KCNN2: variants seen among roughly 807,000 people sequenced by gnomAD.
KCNN2 encodes the protein potassium calcium-activated channel subfamily N member 2, also known as small conductance calcium-activated potassium channel protein 2.
A neutral mutation model predicts 55.5 loss-of-function variants in KCNN2; 24 were observed. The ratio of observed to expected loss-of-function variants is 0.43; its 90% CI spans 0.31 to 0.61. The LOEUF (loss-of-function observed/expected upper bound fraction) is 0.61, where lower values mean the gene tolerates loss of function less well. Ranked by LOEUF, KCNN2 falls within the 20% of genes least tolerant of loss-of-function variation. The pLI is 0.08. For synonymous variants in KCNN2, 431 were observed against 336.1 expected, an observed-to-expected ratio of 1.28 and a Z score of -3.09; for missense variants, 754 against 853.6, an observed-to-expected ratio of 0.88 and a Z score of 1.45.
intron 1 of KCNN2, among the ~76,000 whole-genome samples, chr5:114,080,282 G>A (rs1207037429): frequency 6.6e-6 from 1 of 152,134 alleles, no homozygotes; most frequent in Non-Finnish European, 1.5e-5. Context: ...GCACATTCCT[G>A]TTCTGATTTT....
chr5:114,388,129 A>G (rs1379995889), intron 2 of KCNN2, among the ~76,000 whole-genome samples: 1 of 152,162 alleles, frequency 6.6e-6, no homozygotes, highest in African/African-American at 2.4e-5. Flanking sequence ...TGTACTCAAC[A>G]TAATGTTTTG....
chr5:114,212,349 T>C (rs780279036), intron 1 of KCNN2, among the ~76,000 whole-genome samples: 15 of 151,986 alleles, frequency 9.9e-5, no homozygotes, highest in Non-Finnish European at 2.1e-4. Flanking sequence ...TAGGCAAATC[T>C]ATAGAGATAA....
rs1755562269 is a variant in KCNN2 at position 114,279,030 on chromosome 5, T to C, written c.-185+57465T>C. 2.7e-5 allele frequency among the ~76,000 whole-genome samples: 4 copies of C among 148,096 alleles called. No individual in the cohort carries two copies. The South Asian group carries it at 8.6e-4, about 32-fold the overall frequency. On this transcript the variant is annotated intron_variant, in intron 2 of 10. Coordinates refer to the KCNN2 transcript ENST00000512097. The stretch of plus-strand genomic sequence containing the variant: ...CAACCCCCTAGTTCTCATTTTTTTT[T>C]GTTTTATTGCATTGGCCCAAACTTT...
intron 2 of KCNN2, among the ~76,000 whole-genome samples, chr5:114,256,581 G>A (rs899473445): frequency 1.1e-4 from 16 of 152,008 alleles, no homozygotes; most frequent in African/African-American, 3.1e-4. Context: ...TGACTGGTAC[G>A]AGATGGTATT....
chr5:114,454,906 C>T (rs947064646), intron 3 of KCNN2, among the ~76,000 whole-genome samples: 11 of 152,210 alleles, frequency 7.2e-5, no homozygotes, highest in African/African-American at 2.7e-4. Flanking sequence ...ATTGGGGGTA[C>T]ACAGACCATT....
At chr5:114,127,712 G>A (rs1751968225) in intron 1 of KCNN2, among the ~76,000 whole-genome samples, 1 of 152,110 alleles carries the variant, frequency 6.6e-6, no homozygotes, top group African/African-American at 2.4e-5. Flanking sequence ...CCAGAAAATG[G>A]GTTCTTGTTT....
chr5:114,390,995 T>TGG lies in KCNN2; in HGVS notation c.1219-13443_1219-13442insGG, dbSNP rs1395657534. ...TAACATGGATTTATTATACGTAACC[T>TGG]TAACTATCACTGCATCCTGGTGGAT... On this transcript the variant is annotated intron_variant, in intron 2 of 7. Coordinates refer to ENST00000673685, the MANE Select transcript of KCNN2 (RefSeq NM_021614.4). Among the ~76,000 whole-genome samples the TGG allele has an allele frequency of 3.9e-5, 6 of 152,274 alleles. No homozygotes were observed. In the East Asian group the frequency reaches 1.2e-3, roughly 29 times the overall value.
intron 5 of KCNN2, among the ~76,000 whole-genome samples, chr5:114,474,699 A>G (rs970800090): frequency 9.2e-5 from 14 of 152,216 alleles, no homozygotes; most frequent in African/African-American, 3.4e-4. Flanking sequence ...TGCTGGGACA[A>G]TTTGTGTTTA....
intron 1 of KCNN2, among the ~76,000 whole-genome samples, chr5:114,214,753 A>G (rs963488439): frequency 1.3e-5 from 2 of 152,198 alleles, no homozygotes; most frequent in African/African-American, 4.8e-5. Context: ...TTTGGCCAAG[A>G]TGAAACTACA....
intron 1 of KCNN2, among the ~76,000 whole-genome samples, chr5:114,135,562 C>T (rs1459483543): frequency 1.3e-5 from 2 of 152,174 alleles, no homozygotes; most frequent in African/African-American, 4.8e-5. Flanking sequence ...ATACCAATAT[C>T]AGGGTTTCTT....
chr5:114,067,294 G>T (rs1348519375), intron 1 of KCNN2, among the ~76,000 whole-genome samples: 2 of 152,172 alleles, frequency 1.3e-5, no homozygotes, highest in Non-Finnish European at 2.9e-5. Context: ...GCTCCAACCA[G>T]CTGCATTGAA....
chr5:114,454,161 T>C (rs1221649877), intron 3 of KCNN2, among the ~76,000 whole-genome samples: 1 of 152,212 alleles, frequency 6.6e-6, no homozygotes, highest in Non-Finnish European at 1.5e-5. Context: ...ACTCATTCTT[T>C]TTATGGCTGC....
intron 1 of KCNN2, among the ~76,000 whole-genome samples, chr5:114,155,717 C>T (rs1254103869): frequency 6.6e-6 from 1 of 152,106 alleles, no homozygotes; most frequent in Non-Finnish European, 1.5e-5. Flanking sequence ...CCTTTGCCCA[C>T]TTTTTAATGG....
At chr5:114,391,915 C>T (rs1464442759) in intron 2 of KCNN2, among the ~76,000 whole-genome samples, 1 of 152,060 alleles carries the variant, frequency 6.6e-6, no homozygotes. Flanking sequence ...GTGGTTGCTG[C>T]AGATCCAAGT....
chr5:114,367,926 T>C (rs1757650337), intron 2 of KCNN2, among the ~76,000 whole-genome samples: 1 of 152,236 alleles, frequency 6.6e-6, no homozygotes, highest in South Asian at 2.1e-4. Context: ...CTGGTTCTCA[T>C]GGGTCCTGGA....
At chr5:114,106,527 G>T (rs1399238206) in intron 1 of KCNN2, among the ~76,000 whole-genome samples, 1 of 151,166 alleles carries the variant, frequency 6.6e-6, no homozygotes, top group Non-Finnish European at 1.5e-5. Context: ...CTAATACTTG[G>T]TATTGTTATT....
At chr5:114,210,394 T>A (rs1446687908) in intron 1 of KCNN2, among the ~76,000 whole-genome samples, 1 of 152,158 alleles carries the variant, frequency 6.6e-6, no homozygotes, top group Non-Finnish European at 1.5e-5. Flanking sequence ...AACCTAACCC[T>A]GTATTTCCCC....
At chr5:114,239,296 A>G (rs969266785) in intron 2 of KCNN2, among the ~76,000 whole-genome samples, 1 of 152,202 alleles carries the variant, frequency 6.6e-6, no homozygotes, top group Non-Finnish European at 1.5e-5. Context: ...GCTGACTGAT[A>G]AAAAAGCCAC....
At chr5:114,221,783 A>T (rs924763409) in intron 2 of KCNN2, among the ~76,000 whole-genome samples, 17 of 152,204 alleles carry the variant, frequency 1.1e-4, no homozygotes, top group African/African-American at 2.7e-4. Context: ...TAATAGGCAC[A>T]CAAAAATATT....
Sources: allele counts gnomAD v4.1 joint callset (sites outside exome capture counted in the v4.1 genomes callset), GRCh38; gene constraint gnomAD v4.1.1; transcripts MANE v1.5; gene names NCBI Gene and HGNC (gene_info 2026-07-23, HGNC 2026-07-21).